The following GALNT13 variants were observed in gnomAD, a reference collection of about 807,000 sequenced individuals.
The protein encoded by GALNT13 is UDP-GalNAc:polypeptide N-acetylgalactosaminyltransferase 13.
In GALNT13, 28 loss-of-function variants were observed where a neutral mutation model predicts 64.2. That is an observed-to-expected ratio of 0.44 (90% CI 0.32 to 0.60). The LOEUF (loss-of-function observed/expected upper bound fraction) is 0.60, where lower values mean the gene tolerates loss of function less well. Among genes scored for constraint, GALNT13 ranks in the 20% least tolerant of loss-of-function variants. GALNT13 has a pLI of 0.05. For synonymous variants in GALNT13, 214 were observed against 224.6 expected, an observed-to-expected ratio of 0.95 and a Z score of 0.42; for missense variants, 577 against 669.8, an observed-to-expected ratio of 0.86 and a Z score of 1.53.
chr2:153,706,046 C>T, the GALNT13 span, among the ~76,000 whole-genome samples: 2 of 152,018 alleles, frequency 1.3e-5, no homozygotes, highest in East Asian at 3.9e-4. Flanking sequence ...CGCCAGGCTG[C>T]AGTGCAGTGG....
chr2:154,324,903 A>G (rs762834492), intron 9 of GALNT13, among the ~76,000 whole-genome samples: 6 of 152,114 alleles, frequency 3.9e-5, no homozygotes, highest in Non-Finnish European at 7.4e-5. Flanking sequence ...AAGCTCCAGA[A>G]GTAGTATGTG....
the GALNT13 span, among the ~76,000 whole-genome samples, chr2:153,563,832 G>C: frequency 1.3e-5 from 2 of 151,884 alleles, no homozygotes; most frequent in Admixed American, 6.6e-5. Flanking sequence ...TCTTTCATGG[G>C]CTGGCTTAAC....
chr2:153,285,571 G>A, the GALNT13 span, among the ~76,000 whole-genome samples: 2 of 152,136 alleles, frequency 1.3e-5, no homozygotes, highest in African/African-American at 4.8e-5. Flanking sequence ...TATGTAAGAT[G>A]TATTTTATAA....
chr2:154,372,318 C>T (rs966488223), intron 9 of GALNT13, among the ~76,000 whole-genome samples: 2 of 142,122 alleles, frequency 1.4e-5, no homozygotes, highest in African/African-American at 2.5e-5. Context: ...AAGTCAAGAC[C>T]TCAGCATATG....
chr2:154,287,305 G>A (rs1692326150), intron 8 of GALNT13: 1 of 667,536 alleles, frequency 1.5e-6, no homozygotes, highest in Non-Finnish European at 2.7e-6. Context: ...CCATGGCGGG[G>A]ACAGTCTGAT....
At chr2:153,321,891 G>A in the GALNT13 span, among the ~76,000 whole-genome samples, 1 of 151,918 alleles carries the variant, frequency 6.6e-6, no homozygotes, top group Non-Finnish European at 1.5e-5. Flanking sequence ...AATGCAAAAG[G>A]TTTCATGAGG....
the GALNT13 span, among the ~76,000 whole-genome samples, chr2:153,826,966 A>G: frequency 6.6e-6 from 1 of 152,124 alleles, no homozygotes; most frequent in Non-Finnish European, 1.5e-5. Context: ...GTTTTTTGAC[A>G]TGTTCATTTT....
At chr2:153,654,244 G>A in the GALNT13 span, among the ~76,000 whole-genome samples, 2 of 152,030 alleles carry the variant, frequency 1.3e-5, no homozygotes, top group Admixed American at 6.6e-5. Context: ...ATATAAGGAT[G>A]AAGAATTATT....
chr2:153,346,749 A>G, the GALNT13 span, among the ~76,000 whole-genome samples: 1 of 152,230 alleles, frequency 6.6e-6, no homozygotes, highest in African/African-American at 2.4e-5. Flanking sequence ...TTTGAAATGA[A>G]TAATAAATGT....
At chr2:153,548,711 C>T in the GALNT13 span, among the ~76,000 whole-genome samples, 1 of 152,184 alleles carries the variant, frequency 6.6e-6, no homozygotes, top group Non-Finnish European at 1.5e-5. Context: ...TTCAGTCAGA[C>T]ATGCACATCA....
chr2:153,080,051 G>A, the GALNT13 span, among the ~76,000 whole-genome samples: 1 of 152,080 alleles, frequency 6.6e-6, no homozygotes, highest in Admixed American at 6.6e-5. Context: ...GCAAAGAGTT[G>A]TTCTTAGTTG....
At chr2:153,451,989 A>G in the GALNT13 span, among the ~76,000 whole-genome samples, 1 of 152,236 alleles carries the variant, frequency 6.6e-6, no homozygotes, top group Non-Finnish European at 1.5e-5. Context: ...GGTTATAATC[A>G]AATGTTGCAT....
chr2:154,394,893 C>A (rs1164869754), intron 9 of GALNT13, among the ~76,000 whole-genome samples: 1 of 152,134 alleles, frequency 6.6e-6, no homozygotes, highest in Non-Finnish European at 1.5e-5. Context: ...TTTGAAAAAA[C>A]AAAAGTTCTG....
intron 4 of GALNT13, among the ~76,000 whole-genome samples, chr2:154,169,250 A>G (rs1685220244): frequency 6.6e-6 from 1 of 152,162 alleles, no homozygotes; most frequent in South Asian, 2.1e-4. Context: ...AACAAACCAT[A>G]TCCACACTAT....
the GALNT13 span, among the ~76,000 whole-genome samples, chr2:153,335,471 G>A: frequency 6.6e-6 from 1 of 152,176 alleles, no homozygotes; most frequent in Non-Finnish European, 1.5e-5. Flanking sequence ...TTGGGAACTG[G>A]AGCAAAGGTG....
At chr2:153,651,669 G>A in the GALNT13 span, among the ~76,000 whole-genome samples, 852 of 152,248 alleles carry the variant, frequency 5.6e-3, 9 homozygotes, top group African/African-American at 0.018. Context: ...CTGGTGGAAC[G>A]TACAGTTTCT....
intron 3 of GALNT13, among the ~76,000 whole-genome samples, chr2:154,053,828 C>G (rs1171633793): frequency 6.6e-6 from 1 of 152,092 alleles, no homozygotes; most frequent in Non-Finnish European, 1.5e-5. Flanking sequence ...AGTCAATCTT[C>G]TTAATTGTGA....
At chr2:154,386,029 T>C (rs1172529647) in intron 9 of GALNT13, among the ~76,000 whole-genome samples, 1 of 151,976 alleles carries the variant, frequency 6.6e-6, no homozygotes, top group Non-Finnish European at 1.5e-5. Flanking sequence ...TAACACAAAA[T>C]GCTGGTACAA....
the GALNT13 span, among the ~76,000 whole-genome samples, chr2:153,501,833 G>A: frequency 3.3e-5 from 5 of 152,104 alleles, no homozygotes; most frequent in Admixed American, 1.3e-4. Flanking sequence ...TTGGCTATCC[G>A]CTTTTAATTA....
Sources: allele counts gnomAD v4.1 joint callset (sites outside exome capture counted in the v4.1 genomes callset), GRCh38; gene constraint gnomAD v4.1.1; transcripts MANE v1.5; gene names NCBI Gene and HGNC (gene_info 2026-07-23, HGNC 2026-07-21).